The following TOM1L2 variants were observed in gnomAD, a reference collection of about 807,000 sequenced individuals.
TOM1L2 encodes the protein target of myb1 like 2 membrane trafficking protein.
TOM1L2 carries 31 observed loss-of-function variants against 67.9 expected under a neutral mutation model. The observed-to-expected ratio is 0.46, with a 90% CI of 0.34 to 0.62. The LOEUF (loss-of-function observed/expected upper bound fraction) is 0.62, where lower values mean the gene tolerates loss of function less well. TOM1L2 is among the 20% of genes least tolerant of loss of function. TOM1L2 has a pLI of 0.01. For missense variants in TOM1L2, 606 were observed against 663.5 expected (o/e 0.91, Z 0.95); for synonymous variants, 256 against 254.0 (o/e 1.01, Z -0.07).
chr17:17,849,391 T>C (rs140921961), intron 13 of TOM1L2, among the ~76,000 whole-genome samples: 119 of 152,370 alleles, frequency 7.8e-4, no homozygotes, highest in African/African-American at 2.5e-3. Context: ...ACAGGGCCTG[T>C]CACTCAGTAG....
intron 1 of TOM1L2, among the ~76,000 whole-genome samples, chr17:17,951,182 C>T (rs978192432): frequency 3.3e-5 from 5 of 152,172 alleles, no homozygotes; most frequent in Non-Finnish European, 7.3e-5. Context: ...CACTCCCTTG[C>T]GGGGCTGCAA....
At chr17:17,870,338 G>A (rs1435886526) in intron 7 of TOM1L2, among the ~76,000 whole-genome samples, 1 of 152,134 alleles carries the variant, frequency 6.6e-6, no homozygotes, top group South Asian at 2.1e-4. Context: ...CAGACTTACT[G>A]ATGCCCTTGT....
intron 4 of TOM1L2, among the ~76,000 whole-genome samples, chr17:17,891,755 G>C (rs567704945): frequency 1.3e-5 from 2 of 151,922 alleles, no homozygotes; most frequent in Non-Finnish European, 2.9e-5. Context: ...GTAGAGTGGG[G>C]TGTATGAGGA....
intron 14 of TOM1L2, among the ~76,000 whole-genome samples, chr17:17,848,622 T>A (rs1237775796): frequency 6.6e-6 from 1 of 152,228 alleles, no homozygotes; most frequent in Non-Finnish European, 1.5e-5. Flanking sequence ...CTGACCTGTT[T>A]CCCAATAAGC....
chr17:17,875,852 T>C (rs1341811169), intron 7 of TOM1L2, among the ~76,000 whole-genome samples: 1 of 152,160 alleles, frequency 6.6e-6, no homozygotes, highest in Non-Finnish European at 1.5e-5. Flanking sequence ...AAAAAAGTCT[T>C]TGTTGATGAG....
chr17:17,944,889 C>A (rs1301403705), intron 1 of TOM1L2, among the ~76,000 whole-genome samples: 1 of 152,186 alleles, frequency 6.6e-6, no homozygotes, highest in African/African-American at 2.4e-5. Flanking sequence ...TCATCTGGGG[C>A]TAGTACTAGT....
intron 12 of TOM1L2, chr17:17,857,773 C>G (rs1412056866): frequency 6.5e-7 from 1 of 1,535,594 alleles, no homozygotes; most frequent in East Asian, 2.4e-5. Flanking sequence ...CCTCACCATT[C>G]CTTGGGTTAT....
Position 17,846,054 on chromosome 17 carries a change from G to C in TOM1L2, c.*1581C>G, listed in dbSNP as rs2035627240. 1 of 152,334 alleles carries C rather than the reference G, an allele frequency of 6.6e-6. No individual in the cohort carries two copies. The highest frequency in any genetic ancestry group is 1.5e-5 in the Non-Finnish European group (1 of 68,114). The allele number at this position is 152,334 out of a possible 1,614,324, so 9.4% of individuals were successfully genotyped here. Reference sequence around the variant, plus strand: ...GTCGGGCAGCACTTGCTCTTCACTGGAATAGTTCCTGTTGGTGCTCAGCAT... The same window carrying C: ...GTCGGGCAGCACTTGCTCTTCACTGCAATAGTTCCTGTTGGTGCTCAGCAT... On this transcript the variant is annotated 3_prime_UTR_variant, in exon 15 of 15. Coordinates refer to ENST00000379504, the MANE Select transcript of TOM1L2 (RefSeq NM_001082968.2).
intron 12 of TOM1L2, among the ~76,000 whole-genome samples, chr17:17,855,758 A>T (rs959893298): frequency 6.6e-6 from 1 of 152,192 alleles, no homozygotes; most frequent in African/African-American, 2.4e-5. Flanking sequence ...TCTGTAGCTC[A>T]GGTGTACTAT....
chr17:17,943,199 G>A (rs1168315423), intron 1 of TOM1L2, among the ~76,000 whole-genome samples: 1 of 152,152 alleles, frequency 6.6e-6, no homozygotes, highest in Admixed American at 6.5e-5. Context: ...AAAGCATAAG[G>A]CAGAAGCAGG....
intron 2 of TOM1L2, among the ~76,000 whole-genome samples, chr17:17,905,096 A>G (rs751260400): frequency 2.0e-5 from 3 of 152,240 alleles, no homozygotes; most frequent in Non-Finnish European, 2.9e-5. Flanking sequence ...CTCGGAGCCC[A>G]GTGACGATGG....
chr17:17,854,526 A>T (rs976247691), intron 12 of TOM1L2, among the ~76,000 whole-genome samples: 40 of 151,642 alleles, frequency 2.6e-4, no homozygotes, highest in African/African-American at 8.9e-4. Context: ...TATTTATTTA[A>T]TTAATTAATT....
chr17:17,893,510 G>C, intron 4 of TOM1L2, 151 bp downstream of exon 4: 1 of 782,304 alleles, frequency 1.3e-6, no homozygotes, highest in Non-Finnish European at 2.0e-6. Flanking sequence ...AGTGGGATGA[G>C]AATTTTTTTT....
chr17:17,853,644 C>T (rs2036113518), intron 12 of TOM1L2, among the ~76,000 whole-genome samples: 1 of 152,216 alleles, frequency 6.6e-6, no homozygotes, highest in South Asian at 2.1e-4. Context: ...ATGGCATCCT[C>T]CAGACCAAGC....
At position 17,926,589 on chromosome 17, in the gene TOM1L2, G is replaced by A. The variant is rs562398646; in HGVS notation, c.53-19058C>T. 1.5e-3 allele frequency among the ~76,000 whole-genome samples: 227 copies of A among 152,324 alleles called. 1 individual carries two copies. Among genetic ancestry groups the A allele is most frequent in the Non-Finnish European group, 2.7e-3 (182 of 68,040 alleles). On this transcript the variant is annotated intron_variant, in intron 1 of 14. Coordinates refer to ENST00000379504, the MANE Select transcript of TOM1L2 (RefSeq NM_001082968.2). ...AAATGTAACCATATTTGGGCCTGGT[G>A]TGATGGATTACACCTGTAATCCCAG...
At chr17:17,966,817 GGTA>G (rs1416245951) in intron 1 of TOM1L2, among the ~76,000 whole-genome samples, 1 of 152,162 alleles carries the variant, frequency 6.6e-6, no homozygotes, top group Non-Finnish European at 1.5e-5. Flanking sequence ...GCATATAGTT[GGTA>G]CTTAATAATT....
chr17:17,957,665 A>T (rs1377571821), intron 1 of TOM1L2, among the ~76,000 whole-genome samples: 1 of 151,066 alleles, frequency 6.6e-6, no homozygotes. Flanking sequence ...AATATATATA[A>T]AATATGTATA....
intron 1 of TOM1L2, among the ~76,000 whole-genome samples, chr17:17,920,414 C>T (rs2039811432): frequency 1.4e-5 from 2 of 144,734 alleles, no homozygotes; most frequent in East Asian, 4.1e-4. Context: ...AATCTCAGCT[C>T]ACCACAACCG....
rs1164585838 is a variant in TOM1L2 at position 17,911,843 on chromosome 17, A to AGTG, written c.53-4315_53-4313dup. ...TGTCCCTGGGTACTTGAGATTAGGG[A>AGTG]GTGGTGACGACTCTTAACGAGCATG... On this transcript the variant is annotated intron_variant, in intron 1 of 14. Transcript: ENST00000379504. 4.9e-3 allele frequency among the ~76,000 whole-genome samples: 726 copies of AGTG among 146,860 alleles called. 4 individuals are homozygous for AGTG. Among genetic ancestry groups the AGTG allele is most frequent in the Non-Finnish European group, 6.1e-3 (406 of 66,888 alleles).
Sources: allele counts gnomAD v4.1 joint callset (sites outside exome capture counted in the v4.1 genomes callset), GRCh38; gene constraint gnomAD v4.1.1; transcripts MANE v1.5; gene names NCBI Gene and HGNC (gene_info 2026-07-23, HGNC 2026-07-21).